The following NFATC1 variants were observed in gnomAD, a reference collection of about 807,000 sequenced individuals.
The protein encoded by NFATC1 is nuclear factor of activated T-cells, cytoplasmic 1.
NFATC1 carries 22 observed loss-of-function variants against 76.0 expected under a neutral mutation model. The ratio of observed to expected loss-of-function variants is 0.29; its 90% CI spans 0.21 to 0.41. The LOEUF is 0.41. Among genes scored for constraint, NFATC1 ranks in the 10% least tolerant of loss-of-function variants. The pLI, the probability that NFATC1 is intolerant of heterozygous loss-of-function variation, is 1.00. For missense variants in NFATC1, 1,357 were observed against 1,337.7 expected, an observed-to-expected ratio of 1.01 and a Z score of -0.23; for synonymous variants, 704 against 613.1, an observed-to-expected ratio of 1.15 and a Z score of -2.19.
chr18:79,469,526 C>T (rs570176320), intron 8 of NFATC1: 5 of 985,578 alleles, frequency 5.1e-6, no homozygotes, highest in East Asian at 2.3e-4. Context: ...GGCAGCCGGC[C>T]GTCCTGTCCT....
At chr18:79,506,234 G>T (rs769550070) in intron 9 of NFATC1, among the ~76,000 whole-genome samples, 1 of 152,196 alleles carries the variant, frequency 6.6e-6, no homozygotes, top group Non-Finnish European at 1.5e-5. Flanking sequence ...CTCCTCAGCC[G>T]CAGTGTGGAG....
chr18:79,487,608 C>T (rs1045376476), intron 9 of NFATC1, among the ~76,000 whole-genome samples: 2 of 152,210 alleles, frequency 1.3e-5, no homozygotes, highest in African/African-American at 4.8e-5. Flanking sequence ...TGTAGCCAGG[C>T]GGGTGGTGTG....
intron 8 of NFATC1, among the ~76,000 whole-genome samples, chr18:79,481,842 GGTT>G: frequency 6.8e-6 from 1 of 147,386 alleles, no homozygotes; most frequent in South Asian, 2.1e-4. Flanking sequence ...AGCGTGACCT[GGTT>G]CCTGGGGTAT....
intron 9 of NFATC1, among the ~76,000 whole-genome samples, chr18:79,502,193 A>G (rs1393284761): frequency 6.6e-6 from 1 of 152,212 alleles, no homozygotes; most frequent in African/African-American, 2.4e-5. Flanking sequence ...CCCCAAAATA[A>G]TTCTTATGTC....
chr18:79,440,778 C>T (rs953683420), intron 3 of NFATC1, among the ~76,000 whole-genome samples: 1 of 152,228 alleles, frequency 6.6e-6, no homozygotes, highest in African/African-American at 2.4e-5. Flanking sequence ...TGTGTCAGTG[C>T]CGGTTCTAAG....
chr18:79,424,547 CTG>C (rs2086215962), intron 2 of NFATC1, among the ~76,000 whole-genome samples: 5 of 151,854 alleles, frequency 3.3e-5, no homozygotes, highest in African/African-American at 4.8e-5. Context: ...GTCTCTCTCT[CTG>C]TCTCTGTCTC....
At chr18:79,403,735 G>A (rs1416866204) in intron 1 of NFATC1, among the ~76,000 whole-genome samples, 1 of 152,226 alleles carries the variant, frequency 6.6e-6, no homozygotes, top group East Asian at 1.9e-4. Flanking sequence ...CTTGTGGAAA[G>A]GCAACATCTT....
chr18:79,452,911 A>G (rs550047596), intron 6 of NFATC1, among the ~76,000 whole-genome samples: 71 of 152,328 alleles, frequency 4.7e-4, no homozygotes, highest in African/African-American at 1.7e-3. Flanking sequence ...CCGCGGAGGC[A>G]TTCAGCCTTG....
At chr18:79,522,445 T>C (rs1433165082) in intron 9 of NFATC1, among the ~76,000 whole-genome samples, 17 of 82,714 alleles carry the variant, frequency 2.1e-4, no homozygotes, top group Non-Finnish European at 2.8e-4. Flanking sequence ...GTTTTGTGTG[T>C]GTGTTGGGGG....
At position 79,410,425 on chromosome 18, in the gene NFATC1, C is replaced by T; in HGVS notation, c.150C>T (p.Ser50=). ...TAGAACACTATGGCTATGCATCCTC[C>T]AACGTCAGCCCCGCCCTGCCGCTCC... is the stretch of plus-strand genomic sequence containing the variant. ...AEEEHYGYAS[S]NVSPALPLPT... Residue 50 remains serine, a synonymous_variant, in exon 2 of 10, where the codon TCC becomes TCT. Coordinates refer to ENST00000427363, the MANE Select transcript of NFATC1 (RefSeq NM_001278669.2). The surrounding 1 kb of genome is among the most constrained non-coding windows in gnomAD (Gnocchi z 6.7). 2 of 1,610,980 alleles carry T rather than the reference C, an allele frequency of 1.2e-6. No homozygotes were observed. Among genetic ancestry groups the T allele is most frequent in the Non-Finnish European group, 1.7e-6 (2 of 1,179,276 alleles).
intron 2 of NFATC1, among the ~76,000 whole-genome samples, chr18:79,431,206 A>G (rs1312796323): frequency 2.6e-5 from 4 of 152,340 alleles, no homozygotes; most frequent in Admixed American, 6.5e-5. Context: ...TCAAATTACT[A>G]TGAAGCTTCC....
At chr18:79,441,047 G>T (rs573970736) in intron 3 of NFATC1, among the ~76,000 whole-genome samples, 54 of 152,326 alleles carry the variant, frequency 3.5e-4, no homozygotes, top group Non-Finnish European at 6.9e-4. Flanking sequence ...GAGGCGCTTT[G>T]CTGGGAACAG....
intron 9 of NFATC1, among the ~76,000 whole-genome samples, chr18:79,495,131 G>T (rs2089842600): frequency 1.3e-5 from 2 of 152,386 alleles, no homozygotes; most frequent in Middle Eastern, 3.4e-3. Flanking sequence ...AATAGGGGCT[G>T]CATGGGCTGT....
intron 2 of NFATC1, among the ~76,000 whole-genome samples, chr18:79,425,548 A>G (rs188206103): frequency 1.0e-3 from 159 of 152,324 alleles, no homozygotes; most frequent in African/African-American, 3.1e-3. Context: ...GCGGGCTTTA[A>G]CCCTCGGAAA....
intron 2 of NFATC1, among the ~76,000 whole-genome samples, chr18:79,425,271 C>CTCTGTTTCTCTCCCTGTCTCTG (rs1555903020): frequency 7.4e-4 from 83 of 111,460 alleles, no homozygotes; most frequent in Non-Finnish European, 1.0e-3. Context: ...GTCTCTGTCT[C>CTCTGTTTCTCTCCCTGTCTCTG]TCTCTCTGTC....
At chr18:79,457,299 G>T (rs2087786091) in intron 6 of NFATC1, among the ~76,000 whole-genome samples, 1 of 152,188 alleles carries the variant, frequency 6.6e-6, no homozygotes, top group Admixed American at 6.5e-5. Flanking sequence ...TGGCCCAGAT[G>T]GTCCAGGACC....
At chr18:79,514,942 T>C (rs1023172456) in intron 9 of NFATC1, among the ~76,000 whole-genome samples, 2 of 150,932 alleles carry the variant, frequency 1.3e-5, no homozygotes, top group African/African-American at 4.9e-5. Flanking sequence ...TACTTGAGAG[T>C]CTGAGGAGGG....
intron 6 of NFATC1, among the ~76,000 whole-genome samples, chr18:79,460,533 C>T (rs146783715): frequency 7.2e-5 from 11 of 152,340 alleles, no homozygotes; most frequent in South Asian, 2.1e-4. Context: ...GAGAGCACAA[C>T]GCGTCCTTTC....
intron 8 of NFATC1, among the ~76,000 whole-genome samples, chr18:79,481,783 G>GT (rs2089280513): frequency 6.6e-6 from 1 of 151,898 alleles, no homozygotes; most frequent in African/African-American, 2.4e-5. Flanking sequence ...AGCGTGACCT[G>GT]GTCCTGGGGT....
Sources: allele counts gnomAD v4.1 joint callset (sites outside exome capture counted in the v4.1 genomes callset), GRCh38; gene constraint gnomAD v4.1.1; non-coding constraint Gnocchi (gnomAD v3.1); transcripts MANE v1.5; gene names NCBI Gene and HGNC (gene_info 2026-07-23, HGNC 2026-07-21).